The following NEGR1 variants were observed in gnomAD, a reference collection of about 807,000 sequenced individuals.
The protein encoded by NEGR1 is neuronal growth regulator 1.
NEGR1 carries 10 observed loss-of-function variants against 40.9 expected under a neutral mutation model. The observed-to-expected ratio is 0.24, with a 90% confidence interval of 0.15 to 0.42. The LOEUF (loss-of-function observed/expected upper bound fraction) is 0.42. NEGR1 is among the 10% of genes least tolerant of loss of function. The probability of loss-of-function intolerance (pLI) is 1.00; values close to 1 mark genes in which losing one functional copy is unlikely to be tolerated. For synonymous variants in NEGR1, 185 were observed against 166.8 expected, an observed-to-expected ratio of 1.11 and a Z score of -0.84; for missense variants, 352 against 438.9, an observed-to-expected ratio of 0.80 and a Z score of 1.77.
At chr1:71,895,631 T>C (rs1381246464) in intron 2 of NEGR1, among the ~76,000 whole-genome samples, 1 of 152,210 alleles carries the variant, frequency 6.6e-6, no homozygotes, top group African/African-American at 2.4e-5. Context: ...CAGTACATTA[T>C]TTTTGCTTGT....
At chr1:71,592,574 C>T (rs953788872) in intron 6 of NEGR1, among the ~76,000 whole-genome samples, 4 of 152,104 alleles carry the variant, frequency 2.6e-5, no homozygotes, top group Non-Finnish European at 2.9e-5. Context: ...GTATTTTTTC[C>T]TTTCTCAGCT....
intron 1 of NEGR1, among the ~76,000 whole-genome samples, chr1:71,941,207 A>C (rs570906144): frequency 7.9e-5 from 12 of 152,130 alleles, no homozygotes; most frequent in Admixed American, 2.0e-4. Context: ...GAACCCCATA[A>C]AATCTCCATG....
chr1:72,048,696 C>G (rs952602296), intron 1 of NEGR1, among the ~76,000 whole-genome samples: 1 of 151,584 alleles, frequency 6.6e-6, no homozygotes, highest in Non-Finnish European at 1.5e-5. Flanking sequence ...CTCTTCTAGT[C>G]TTCTCAACCT....
intron 2 of NEGR1, among the ~76,000 whole-genome samples, chr1:71,860,267 T>C (rs1570440470): frequency 6.6e-6 from 1 of 152,016 alleles, no homozygotes; most frequent in East Asian, 1.9e-4. Context: ...CTTGCTTGTT[T>C]TATAGCATTT....
At position 71,409,856 on chromosome 1, in the gene NEGR1, G is replaced by A. The variant is rs60595553; in HGVS notation, c.941-2286C>T. ...TGGAATCTTTTCTGAAGGAAGCCAC[G>A]TGATTATAGGCTAGAAAATGTACTA... On this transcript the variant is annotated intron_variant, in intron 6 of 6. Transcript: ENST00000357731. 9.9e-3 allele frequency among the ~76,000 whole-genome samples: 1,512 copies of A among 152,010 alleles called. 14 individuals are homozygous for A. Among genetic ancestry groups the A allele is most frequent in the African/African-American group, 0.023 (939 of 41,510 alleles).
In NEGR1 at chr1:71,898,698, C is replaced by T. The variant is rs181268878; in HGVS notation, c.409+36381G>A. ...TTTAATGTTTAAATACACGTTTGGA[C>T]GTTCAAAACATATCTTGCAATAATT... On this transcript the variant is annotated intron_variant, in intron 2 of 6. Transcript: ENST00000357731. Among the ~76,000 whole-genome samples the T allele has an allele frequency of 5.2e-3, 787 of 150,512 alleles. 9 individuals carry two copies. The highest frequency in any genetic ancestry group is 0.018 in the African/African-American group (754 of 41,074).
At chr1:72,072,893 C>T (rs1430299822) in intron 1 of NEGR1, among the ~76,000 whole-genome samples, 1 of 152,184 alleles carries the variant, frequency 6.6e-6, no homozygotes, top group African/African-American at 2.4e-5. Context: ...ACAAATTAAT[C>T]ACCATCTTGT....
intron 4 of NEGR1, among the ~76,000 whole-genome samples, chr1:71,663,509 A>G (rs1410841002): frequency 2.6e-5 from 4 of 152,190 alleles, no homozygotes; most frequent in Admixed American, 6.6e-5. Context: ...TATGTCATAA[A>G]ACCCTTACTT....
At chr1:71,882,846 T>C (rs546774008) in intron 2 of NEGR1, among the ~76,000 whole-genome samples, 2 of 152,236 alleles carry the variant, frequency 1.3e-5, no homozygotes, top group African/African-American at 4.8e-5. Flanking sequence ...TATGTGATTA[T>C]GAGTAATTTC....
At chr1:71,477,720 A>C (rs1028622691) in intron 6 of NEGR1, among the ~76,000 whole-genome samples, 1 of 152,060 alleles carries the variant, frequency 6.6e-6, no homozygotes, top group Admixed American at 6.6e-5. Flanking sequence ...CTCTTGCTTG[A>C]AACTCCGTGG....
chr1:71,766,172 C>CAA (rs35894619), intron 3 of NEGR1, among the ~76,000 whole-genome samples: 43 of 109,922 alleles, frequency 3.9e-4, no homozygotes, highest in Non-Finnish European at 2.6e-4. Flanking sequence ...GACTCCGTCT[C>CAA]AAAAAAAAAA....
At chr1:71,416,023 C>A (rs1345487762) in intron 6 of NEGR1, among the ~76,000 whole-genome samples, 1 of 152,008 alleles carries the variant, frequency 6.6e-6, no homozygotes, top group Non-Finnish European at 1.5e-5. Context: ...TTAGCTTGGG[C>A]CTCTAGGGCA....
At chr1:72,110,976 T>C (rs968798050) in intron 1 of NEGR1, among the ~76,000 whole-genome samples, 2 of 151,548 alleles carry the variant, frequency 1.3e-5, no homozygotes, top group Non-Finnish European at 3.0e-5. Flanking sequence ...AGTTATTATA[T>C]CCTACTTCAT....
chr1:71,479,297 T>C (rs897870281), intron 6 of NEGR1, among the ~76,000 whole-genome samples: 1 of 151,958 alleles, frequency 6.6e-6, no homozygotes, highest in Non-Finnish European at 1.5e-5. Flanking sequence ...GACTTATTCT[T>C]GTCTATTCCT....
chr1:71,513,396 C>A (rs931609482), intron 6 of NEGR1, among the ~76,000 whole-genome samples: 3 of 152,012 alleles, frequency 2.0e-5, no homozygotes, highest in Non-Finnish European at 4.4e-5. Context: ...GACCAGAAAC[C>A]TATTTTTTCT....
At chr1:72,126,175 G>C (rs1252866013) in intron 1 of NEGR1, among the ~76,000 whole-genome samples, 1 of 151,412 alleles carries the variant, frequency 6.6e-6, no homozygotes, top group Non-Finnish European at 1.5e-5. Flanking sequence ...GAGGGAGAGA[G>C]AACGCATTTT....
intron 2 of NEGR1, among the ~76,000 whole-genome samples, chr1:71,906,458 A>T (rs1009672368): frequency 5.3e-5 from 8 of 150,688 alleles, no homozygotes; most frequent in African/African-American, 2.0e-4. Flanking sequence ...GAATATGAAT[A>T]ATTTCCCTGG....
At chr1:72,098,490 G>A (rs762865378) in intron 1 of NEGR1, among the ~76,000 whole-genome samples, 1 of 152,016 alleles carries the variant, frequency 6.6e-6, no homozygotes, top group Non-Finnish European at 1.5e-5. Flanking sequence ...AAAACACATT[G>A]CTTATCAAGA....
intron 2 of NEGR1, among the ~76,000 whole-genome samples, chr1:71,847,844 C>T (rs759024876): frequency 2.0e-5 from 3 of 152,076 alleles, no homozygotes; most frequent in Admixed American, 6.6e-5. Context: ...TTGAGGTTAG[C>T]GAGGAAGACA....
Sources: gnomAD v4.1 joint callset for allele counts (sites outside exome capture counted in the v4.1 genomes callset) on GRCh38, gnomAD v4.1.1 for gene constraint, MANE v1.5 for transcripts, NCBI Gene and HGNC (gene_info 2026-07-23, HGNC 2026-07-21) for gene names.